Variants in PSMD14 observed in about 807,000 individuals in gnomAD.
PSMD14 encodes the protein proteasome 26S subunit, non-ATPase 14.
Under a neutral mutation model 41.2 loss-of-function variants are expected in PSMD14, and 7 were observed. That is an observed-to-expected ratio of 0.17 (90% CI 0.10 to 0.32). The LOEUF is 0.32. PSMD14 is among the 10% of genes least tolerant of loss of function. PSMD14 has a pLI of 1.00. For missense variants in PSMD14, 139 were observed against 375.6 expected (o/e 0.37, Z 5.21); for synonymous variants, 114 against 122.3 (o/e 0.93, Z 0.45).
chr2:161,374,644 A>G (rs1159339433), intron 7 of PSMD14, among the ~76,000 whole-genome samples: 1 of 152,022 alleles, frequency 6.6e-6, no homozygotes, highest in Admixed American at 6.6e-5. Context: ...ATACATATTT[A>G]CATATTTTAA....
At chr2:161,349,036 C>T (rs1017508537) in intron 3 of PSMD14, among the ~76,000 whole-genome samples, 2 of 152,154 alleles carry the variant, frequency 1.3e-5, no homozygotes, top group Admixed American at 1.3e-4. Context: ...CTATCTTAGG[C>T]CGAAGACAGA....
intron 3 of PSMD14, among the ~76,000 whole-genome samples, chr2:161,321,903 T>A (rs1295674115): frequency 6.6e-6 from 1 of 152,148 alleles, no homozygotes; most frequent in Admixed American, 6.5e-5. Flanking sequence ...CTGGTGTAGC[T>A]TTGGTTTCCG....
intron 3 of PSMD14, among the ~76,000 whole-genome samples, chr2:161,345,678 C>T (rs1683031294): frequency 6.6e-6 from 1 of 152,064 alleles, no homozygotes; most frequent in African/African-American, 2.4e-5. Flanking sequence ...TATTGAACTT[C>T]ATGTGTCCGA....
At chr2:161,410,129 T>C (rs150478555) in intron 11 of PSMD14, among the ~76,000 whole-genome samples, 108 of 152,248 alleles carry the variant, frequency 7.1e-4, no homozygotes, top group Admixed American at 3.6e-3. Flanking sequence ...ACCTCACTGG[T>C]TTGGCCTACT....
At chr2:161,310,613 T>G (rs546988993) in intron 1 of PSMD14, among the ~76,000 whole-genome samples, 70 of 152,218 alleles carry the variant, frequency 4.6e-4, no homozygotes, top group Non-Finnish European at 7.9e-4. Context: ...ATAACAAGAA[T>G]AGCAACGACA....
intron 9 of PSMD14, among the ~76,000 whole-genome samples, chr2:161,393,230 TC>T (rs1683738829): frequency 6.6e-6 from 1 of 152,156 alleles, no homozygotes; most frequent in East Asian, 1.9e-4. Context: ...GGTAGGGAAA[TC>T]TGAGTCTCAA....
intron 2 of PSMD14, among the ~76,000 whole-genome samples, chr2:161,317,852 GAA>G (rs1265865601): frequency 6.6e-6 from 1 of 152,186 alleles, no homozygotes; most frequent in East Asian, 1.9e-4. Flanking sequence ...CACTTAGGAA[GAA>G]GAGGAATTTC....
intron 3 of PSMD14, chr2:161,341,009 C>T: frequency 1.2e-6 from 2 of 1,611,084 alleles, no homozygotes; most frequent in South Asian, 2.2e-5. Context: ...CCGCCTGCTC[C>T]TCCGCCTCCG....
intron 8 of PSMD14, among the ~76,000 whole-genome samples, chr2:161,387,754 C>T (rs1301532228): frequency 1.3e-5 from 2 of 151,746 alleles, no homozygotes; most frequent in African/African-American, 4.8e-5. Context: ...TTTGTCTTTC[C>T]TTGTCCATAT....
intron 3 of PSMD14, among the ~76,000 whole-genome samples, chr2:161,322,011 C>T (rs1308686500): frequency 6.6e-6 from 1 of 152,144 alleles, no homozygotes; most frequent in Non-Finnish European, 1.5e-5. Flanking sequence ...CCCAAATGGG[C>T]CTGGCTCAAA....
intron 3 of PSMD14, among the ~76,000 whole-genome samples, chr2:161,344,849 C>T (rs1683017897): frequency 1.3e-5 from 2 of 152,192 alleles, no homozygotes; most frequent in South Asian, 4.1e-4. Context: ...CTTATCTTTT[C>T]ACTTTCTTGA....
intron 8 of PSMD14, among the ~76,000 whole-genome samples, chr2:161,386,167 T>A (rs1683633106): frequency 6.6e-6 from 1 of 151,900 alleles, no homozygotes; most frequent in Non-Finnish European, 1.5e-5. Context: ...AGTGATTGTT[T>A]TCTTTGTATC....
chr2:161,327,946 CTGTGTGTG>C (rs369674882), intron 3 of PSMD14, among the ~76,000 whole-genome samples: 4,518 of 117,152 alleles, frequency 0.039, 245 homozygotes, highest in African/African-American at 0.13. Context: ...CTCATGTAAG[CTGTGTGTG>C]TGTGTGTGTG....
chr2:161,328,986 A>G (rs1682745371), intron 3 of PSMD14, among the ~76,000 whole-genome samples: 2 of 152,120 alleles, frequency 1.3e-5, no homozygotes, highest in African/African-American at 4.8e-5. Flanking sequence ...TTTATTTTTT[A>G]GTAGTTTTTT....
chr2:161,311,023 T>C (rs1449513843), intron 1 of PSMD14, among the ~76,000 whole-genome samples: 2 of 152,208 alleles, frequency 1.3e-5, no homozygotes, highest in Non-Finnish European at 2.9e-5. Flanking sequence ...AAGTTGCATC[T>C]AGGCCAGGCG....
intron 3 of PSMD14, among the ~76,000 whole-genome samples, chr2:161,354,508 C>CATTA (rs1553505719): frequency 1.3e-5 from 2 of 151,828 alleles, no homozygotes; most frequent in Non-Finnish European, 2.9e-5. Context: ...TGTGCTTGGT[C>CATTA]CTTGTTGCAG....
intron 5 of PSMD14, 42 bp downstream of exon 5, chr2:161,367,945 CT>C (rs1415907501): frequency 1.3e-6 from 2 of 1,575,004 alleles, no homozygotes; most frequent in African/African-American, 2.7e-5. Context: ...AAATGTGTTT[CT>C]TTTCATTTTT....
chr2:161,345,211 A>G (rs1237317145), intron 3 of PSMD14, among the ~76,000 whole-genome samples: 1 of 149,288 alleles, frequency 6.7e-6, no homozygotes, highest in African/African-American at 2.5e-5. Context: ...CTGAAATTTC[A>G]ATTCTGTTCT....
chr2:161,334,406 G>T (rs1371413221), intron 3 of PSMD14, among the ~76,000 whole-genome samples: 1 of 152,168 alleles, frequency 6.6e-6, no homozygotes, highest in Admixed American at 6.5e-5. Flanking sequence ...GTTCGCTAAG[G>T]TTTGTGTGTT....
Sources: gnomAD v4.1 joint callset for allele counts (sites outside exome capture counted in the v4.1 genomes callset) on GRCh38, gnomAD v4.1.1 for gene constraint, MANE v1.5 for transcripts, NCBI Gene and HGNC (gene_info 2026-07-23, HGNC 2026-07-21) for gene names.